The following EBF2 variants were observed in gnomAD, a reference collection of about 807,000 sequenced individuals.
The protein encoded by EBF2 is transcription factor COE2.
EBF2 carries 21 observed loss-of-function variants against 72.8 expected under a neutral mutation model. That is an observed-to-expected ratio of 0.29 (90% CI 0.20 to 0.42). The LOEUF is 0.42. EBF2 is among the 10% of genes least tolerant of loss of function. The pLI is 1.00. For missense variants in EBF2, 637 were observed against 731.2 expected, an observed-to-expected ratio of 0.87 and a Z score of 1.49; for synonymous variants, 299 against 274.2, an observed-to-expected ratio of 1.09 and a Z score of -0.89.
At chr8:25,871,345 G>A (rs958105164) in intron 10 of EBF2, among the ~76,000 whole-genome samples, 4 of 152,300 alleles carry the variant, frequency 2.6e-5, no homozygotes, top group East Asian at 3.9e-4. Context: ...CATGGAGTGC[G>A]GGGATGCTGT....
At position 25,954,869 on chromosome 8, in the gene EBF2, C is replaced by T. The variant is rs574224884; in HGVS notation, c.552-46314G>A. Among the ~76,000 whole-genome samples the T allele has an allele frequency of 3.2e-4, 48 of 152,358 alleles. 1 individual carries two copies. The highest frequency in any genetic ancestry group is 1.1e-3 in the African/African-American group (47 of 41,588). On this transcript the variant is annotated intron_variant, in intron 6 of 15. Transcript: ENST00000520164. ...GCACTTTTAATTATACCATGGCTGGCTTCCCCGAATGGATTGCTGCCTCTG... is the reference window on the plus strand; with the variant it reads ...GCACTTTTAATTATACCATGGCTGGTTTCCCCGAATGGATTGCTGCCTCTG...
chr8:25,851,900 C>T lies in EBF2; in HGVS notation c.1529-1139G>A, dbSNP rs1407862045. On this transcript the variant is annotated intron_variant, in intron 14 of 15. Coordinates refer to ENST00000520164, the MANE Select transcript of EBF2 (RefSeq NM_022659.4). The stretch of plus-strand genomic sequence containing the variant: ...CCATGGACAACTCCACCCTCATTTC[C>T]CCTCCTTCCCTATAAAAATATATTT... Among the ~76,000 whole-genome samples the T allele has an allele frequency of 2.6e-5, 4 of 152,114 alleles. No homozygotes were observed. The East Asian group carries it at 7.7e-4, about 29-fold the overall frequency.
At chr8:25,959,527 A>G (rs988860708) in intron 6 of EBF2, among the ~76,000 whole-genome samples, 5 of 152,178 alleles carry the variant, frequency 3.3e-5, no homozygotes, top group Admixed American at 6.5e-5. Flanking sequence ...TTATAAGCAA[A>G]TGAATTGTGG....
At chr8:25,910,143 G>T (rs974745319) in intron 6 of EBF2, among the ~76,000 whole-genome samples, 2 of 152,162 alleles carry the variant, frequency 1.3e-5, no homozygotes, top group Non-Finnish European at 2.9e-5. Flanking sequence ...TCTCTGCCCG[G>T]GTCGTCAGAG....
At chr8:25,901,531 C>A (rs958591980) in intron 7 of EBF2, among the ~76,000 whole-genome samples, 4 of 152,052 alleles carry the variant, frequency 2.6e-5, no homozygotes, top group Non-Finnish European at 1.5e-5. Context: ...GCTTGTGCTG[C>A]CCACAGGATA....
chr8:25,857,212 G>T (rs1234745410), intron 14 of EBF2, among the ~76,000 whole-genome samples: 1 of 152,048 alleles, frequency 6.6e-6, no homozygotes. Context: ...TAGAAGAACT[G>T]ACCTCTACTA....
intron 6 of EBF2, among the ~76,000 whole-genome samples, chr8:25,910,231 C>T (rs1803103679): frequency 6.6e-6 from 1 of 152,186 alleles, no homozygotes; most frequent in Non-Finnish European, 1.5e-5. Flanking sequence ...GAAGGGTAAA[C>T]ATCCCCTCCG....
chr8:26,044,504 C>A lies in EBF2; in HGVS notation c.131+225G>T, dbSNP rs915211767. The stretch of plus-strand genomic sequence containing the variant: ...GTGGTAAAGGAGAGGGAGAGAAACG[C>A]CTACGACCCAGGCAGTTCAGGAACT... On this transcript the variant is annotated intron_variant, in intron 1 of 15. Coordinates refer to ENST00000520164, the MANE Select transcript of EBF2 (RefSeq NM_022659.4). This position sits in a 1 kb window ranked among gnomAD's most constrained non-coding sequence, Gnocchi z 4.1. Among the ~76,000 whole-genome samples, 5 of 152,204 alleles carry A rather than the reference C, an allele frequency of 3.3e-5. No homozygotes were observed. Among genetic ancestry groups the A allele is most frequent in the African/African-American group, 1.2e-4 (5 of 41,464 alleles).
chr8:25,842,017 TGAG>T lies in EBF2; in HGVS notation c.*2589_*2591del, dbSNP rs1447192812. 6.6e-6 allele frequency: 1 copy of T among 152,094 alleles called. No homozygotes were observed. Among genetic ancestry groups the T allele is most frequent in the Non-Finnish European group, 1.5e-5 (1 of 68,006 alleles). The allele number at this position is 152,094 out of a possible 1,614,324, so 9.4% of individuals were successfully genotyped here. A position where few individuals can be genotyped will look rare whatever the true frequency, so the allele number is the denominator to read the frequency against. ...CATATTGAAATGTGCAAAGAAAAAC[TGAG>T]AAGAATTACAACGCTATAACAAAAG... On this transcript the variant is annotated 3_prime_UTR_variant, in exon 16 of 16. Transcript: ENST00000520164.
chr8:26,026,576 G>A (rs900594779), intron 6 of EBF2, among the ~76,000 whole-genome samples: 3 of 152,142 alleles, frequency 2.0e-5, no homozygotes, highest in East Asian at 1.9e-4. Flanking sequence ...CCTCAGTCAC[G>A]CCGAGGATGG....
At chr8:25,857,972 G>T in intron 14 of EBF2, 1 of 397,330 alleles carries the variant, frequency 2.5e-6, no homozygotes, top group Non-Finnish European at 4.8e-6. Context: ...TTCTTATGGA[G>T]ATTAAATAAA....
chr8:26,004,718 G>T (rs1049135329), intron 6 of EBF2, among the ~76,000 whole-genome samples: 36 of 148,274 alleles, frequency 2.4e-4, no homozygotes, highest in African/African-American at 8.5e-4. Context: ...AAAACAAAGT[G>T]GTCCCTTTCA....
chr8:26,039,913 C>A, intron 5 of EBF2, 115 bp downstream of exon 5: 1 of 1,061,594 alleles, frequency 9.4e-7, no homozygotes, highest in Non-Finnish European at 1.4e-6. Context: ...GCCCGCGAGG[C>A]CTCCCAGCTG....
intron 6 of EBF2, among the ~76,000 whole-genome samples, chr8:25,932,876 T>C (rs566696872): frequency 6.6e-6 from 1 of 152,276 alleles, no homozygotes; most frequent in South Asian, 2.1e-4. Context: ...ACAGCTGTTA[T>C]TTGACCTGGT....
In EBF2 at chr8:25,918,670, T is replaced by C. The variant is rs1803263779; in HGVS notation, c.552-10115A>G. 1.3e-5 allele frequency among the ~76,000 whole-genome samples: 2 copies of C among 152,190 alleles called. 1 individual carries two copies. Among genetic ancestry groups the C allele is most frequent in the South Asian group, 4.2e-4 (2 of 4,818 alleles). On this transcript the variant is annotated intron_variant, in intron 6 of 15. Coordinates refer to ENST00000520164, the MANE Select transcript of EBF2 (RefSeq NM_022659.4). ...AAAGAACATGTGTGAAAAGGTATGT[T>C]TGATGTCGCATACAAACTCAAACTA...
intron 14 of EBF2, among the ~76,000 whole-genome samples, chr8:25,856,529 G>T (rs1294808221): frequency 6.6e-6 from 1 of 152,164 alleles, no homozygotes; most frequent in Non-Finnish European, 1.5e-5. Flanking sequence ...ATGTCACAAG[G>T]TTGTTGTGAG....
At chr8:25,986,204 G>A (rs1440733357) in intron 6 of EBF2, among the ~76,000 whole-genome samples, 5 of 151,778 alleles carry the variant, frequency 3.3e-5, no homozygotes, top group Non-Finnish European at 7.4e-5. Context: ...TGACTGCTGG[G>A]TCCACTTTCC....
At chr8:25,990,208 C>T (rs941704068) in intron 6 of EBF2, among the ~76,000 whole-genome samples, 14 of 152,050 alleles carry the variant, frequency 9.2e-5, no homozygotes, top group Non-Finnish European at 2.1e-4. Flanking sequence ...CACACACACA[C>T]ACACACACAC....
intron 6 of EBF2, among the ~76,000 whole-genome samples, chr8:25,938,470 T>C (rs982546300): frequency 2.0e-5 from 3 of 151,980 alleles, no homozygotes; most frequent in African/African-American, 7.2e-5. Context: ...ACAGCCAATA[T>C]AGAAGACAAA....
Sources: gnomAD v4.1 joint callset for allele counts (sites outside exome capture counted in the v4.1 genomes callset) on GRCh38, gnomAD v4.1.1 for gene constraint, Gnocchi (gnomAD v3.1) non-coding constraint, MANE v1.5 for transcripts, NCBI Gene and HGNC (gene_info 2026-07-23, HGNC 2026-07-21) for gene names.